MGAT5: variants seen among roughly 807,000 people sequenced by gnomAD.
MGAT5 encodes alpha-1,6-mannosylglycoprotein 6-beta-N-acetylglucosaminyltransferase, also known as alpha-1,6-mannosylglycoprotein 6-beta-N-acetylglucosaminyltransferase A.
In MGAT5, 30 loss-of-function variants were observed where a neutral mutation model predicts 94.3. The observed-to-expected ratio is 0.32, with a 90% CI of 0.24 to 0.43. The LOEUF (loss-of-function observed/expected upper bound fraction) is 0.43. Ranked by LOEUF, MGAT5 falls within the 20% of genes least tolerant of loss-of-function variation. The pLI is 1.00. For missense variants in MGAT5, 691 were observed against 905.5 expected (o/e 0.76, Z 3.04); for synonymous variants, 310 against 322.9 (o/e 0.96, Z 0.43).
chr2:134,217,356 C>A (rs1456784195), intron 1 of MGAT5, among the ~76,000 whole-genome samples: 1 of 151,672 alleles, frequency 6.6e-6, no homozygotes, highest in Admixed American at 6.6e-5. Context: ...TGTGCCAAAC[C>A]TTTGGACTTT....
At chr2:134,388,961 A>G (rs889210308) in intron 10 of MGAT5, among the ~76,000 whole-genome samples, 1 of 152,120 alleles carries the variant, frequency 6.6e-6, no homozygotes, top group Non-Finnish European at 1.5e-5. Context: ...GGGTTTCACC[A>G]TGTTGGCCAG....
intron 1 of MGAT5, among the ~76,000 whole-genome samples, chr2:134,220,070 A>C (rs1680679601): frequency 6.6e-6 from 1 of 152,224 alleles, no homozygotes; most frequent in African/African-American, 2.4e-5. Flanking sequence ...AAGGCAGCAA[A>C]TGCATGACAT....
chr2:134,184,601 G>C (rs1163565880), intron 1 of MGAT5, among the ~76,000 whole-genome samples: 1 of 152,132 alleles, frequency 6.6e-6, no homozygotes, highest in South Asian at 2.1e-4. Context: ...ATGCACTGCC[G>C]CATTTGCACA....
At chr2:134,434,708 A>G (rs1038940512) in intron 14 of MGAT5, among the ~76,000 whole-genome samples, 7 of 151,938 alleles carry the variant, frequency 4.6e-5, no homozygotes, top group Non-Finnish European at 1.0e-4. Context: ...GGCCTTCCCT[A>G]TCTCCTGGAA....
In MGAT5 at chr2:134,120,363, G is replaced by A. The variant is rs1573690384; in HGVS notation, c.-143+72G>A. The A allele has an allele frequency of 3.4e-5, 13 of 381,872 alleles. 1 individual carries two copies. In the South Asian group the frequency reaches 1.0e-3, roughly 30 times the overall value. 23.7% of individuals were successfully genotyped at this position (381,872 alleles called of 1,614,324 possible). ...TCCCCGCGGGGTGATGCGCGCAGAG[G>A]GGACCGCGGGGGGCACGGGGAACCA... On this transcript the variant is annotated intron_variant, in intron 1 of 16. Transcript: ENST00000409645.
chr2:134,240,500 C>T (rs924731077), intron 1 of MGAT5, among the ~76,000 whole-genome samples: 1 of 151,864 alleles, frequency 6.6e-6, no homozygotes, highest in East Asian at 1.9e-4. Context: ...TAGTTGTAGT[C>T]GGAAGAGTGA....
chr2:134,176,328 T>G (rs1688462650), intron 1 of MGAT5, among the ~76,000 whole-genome samples: 1 of 128,602 alleles, frequency 7.8e-6, no homozygotes, highest in South Asian at 2.3e-4. Context: ...ATCCCAGCAC[T>G]TTGGGAGGCC....
intron 10 of MGAT5, among the ~76,000 whole-genome samples, chr2:134,394,227 G>C (rs1682577935): frequency 6.6e-6 from 1 of 152,182 alleles, no homozygotes; most frequent in African/African-American, 2.4e-5. Flanking sequence ...ATTACAAGTA[G>C]AAAAGTTGGA....
At chr2:134,300,221 C>A (rs779109920) in intron 2 of MGAT5, among the ~76,000 whole-genome samples, 2 of 152,156 alleles carry the variant, frequency 1.3e-5, no homozygotes, top group Non-Finnish European at 2.9e-5. Context: ...TTTAGACCAT[C>A]TTCTCTTTTC....
At chr2:134,442,926 C>T (rs1685566647) in intron 15 of MGAT5, among the ~76,000 whole-genome samples, 1 of 152,010 alleles carries the variant, frequency 6.6e-6, no homozygotes, top group East Asian at 1.9e-4. Context: ...TGTACCATTC[C>T]AGGCTTGAAG....
intron 4 of MGAT5, among the ~76,000 whole-genome samples, chr2:134,326,964 C>A (rs1687681513): frequency 6.6e-6 from 1 of 152,076 alleles, no homozygotes; most frequent in Non-Finnish European, 1.5e-5. Context: ...CTAATGTTAA[C>A]AACAAGTACA....
At chr2:134,143,205 G>T (rs1347354807) in intron 1 of MGAT5, among the ~76,000 whole-genome samples, 1 of 152,132 alleles carries the variant, frequency 6.6e-6, no homozygotes, top group Non-Finnish European at 1.5e-5. Context: ...ATGCTTGATG[G>T]ATCTGGGTTT....
intron 1 of MGAT5, among the ~76,000 whole-genome samples, chr2:134,139,323 A>G (rs535834558): frequency 6.6e-6 from 1 of 152,372 alleles, no homozygotes; most frequent in African/African-American, 2.4e-5. Flanking sequence ...CCAGAATGGT[A>G]GATGAATTCT....
upstream of MGAT5, among the ~76,000 whole-genome samples, chr2:134,250,158 C>T (rs541833556): frequency 6.6e-6 from 1 of 152,256 alleles, no homozygotes; most frequent in East Asian, 1.9e-4. Flanking sequence ...GATTGCTACT[C>T]TTTTAGAAAG....
chr2:134,380,479 A>G (rs1681469152), intron 10 of MGAT5, among the ~76,000 whole-genome samples: 1 of 152,134 alleles, frequency 6.6e-6, no homozygotes, highest in African/African-American at 2.4e-5. Flanking sequence ...AGAAAAAGGG[A>G]CATGGATTAT....
chr2:134,138,899 C>T (rs533595764), intron 1 of MGAT5, among the ~76,000 whole-genome samples: 107 of 152,180 alleles, frequency 7.0e-4, no homozygotes, highest in Middle Eastern at 3.4e-3. Flanking sequence ...TATATGGTCC[C>T]CCTACTGATA....
At chr2:134,148,760 T>G (rs192837516) in intron 1 of MGAT5, among the ~76,000 whole-genome samples, 3,168 of 80,856 alleles carry the variant, frequency 0.039, 285 homozygotes, top group East Asian at 0.35. Context: ...CTTTCTTAGG[T>G]TTTTTTTTTT....
intron 1 of MGAT5, among the ~76,000 whole-genome samples, chr2:134,167,187 T>TA (rs906355824): frequency 6.6e-6 from 1 of 152,186 alleles, no homozygotes; most frequent in African/African-American, 2.4e-5. Context: ...CACCTTCCAT[T>TA]AGGGGCGGGA....
intron 1 of MGAT5, among the ~76,000 whole-genome samples, chr2:134,223,248 AT>A (rs988652386): frequency 2.0e-5 from 3 of 152,062 alleles, no homozygotes; most frequent in African/African-American, 7.2e-5. Flanking sequence ...TCTTGTCCTA[AT>A]TTTATTCCTC....
Sources: gnomAD v4.1 joint callset for allele counts (sites outside exome capture counted in the v4.1 genomes callset) on GRCh38, gnomAD v4.1.1 for gene constraint, MANE v1.5 for transcripts, NCBI Gene and HGNC (gene_info 2026-07-23, HGNC 2026-07-21) for gene names.